Variants in OPLAH observed in about 807,000 individuals in gnomAD.
OPLAH encodes 5-oxoprolinase, ATP-hydrolysing.
A neutral mutation model predicts 122.8 loss-of-function variants in OPLAH; 103 were observed. The observed-to-expected ratio is 0.84, with a 90% CI of 0.71 to 0.99. The LOEUF (loss-of-function observed/expected upper bound fraction) is 0.99. Ranked by LOEUF, OPLAH falls within the 50% of genes least tolerant of loss-of-function variation. The pLI is 0.00. For missense variants in OPLAH, 1,902 were observed against 1,836.5 expected (o/e 1.04, Z -0.65); for synonymous variants, 875 against 796.0 (o/e 1.10, Z -1.67).
At chr8:144,054,349 C>T (rs1335852834) in intron 19 of OPLAH, among the ~76,000 whole-genome samples, 1 of 152,230 alleles carries the variant, frequency 6.6e-6, no homozygotes, top group Non-Finnish European at 1.5e-5. Flanking sequence ...CAAAACCACC[C>T]CTCGGGAGGC....
In OPLAH at chr8:144,053,067, C is replaced by G. The variant is rs782475410; in HGVS notation, c.2934G>C (p.Arg978=). Residue 978 remains arginine, a synonymous_variant, in exon 21 of 27, where the codon CGG becomes CGC. Transcript: ENST00000618853. Reference sequence around the variant, plus strand: ...CCGAGGACACCTCCAGGGGCAGGCCCCGGGCCTGCCGGGAGGTTCCAAAGG... The same window carrying G: ...CCGAGGACACCTCCAGGGGCAGGCCGCGGGCCTGCCGGGAGGTTCCAAAGG... The part of the protein sequence containing the change: ...LRAFGTSRQA[R]GLPLEVSSED... 10 of 1,601,254 alleles carry G rather than the reference C, an allele frequency of 6.2e-6. 1 individual carries two copies. The South Asian group carries it at 1.1e-4, about 18-fold the overall frequency.
rs1554758709 is a variant in OPLAH at position 144,055,227 on chromosome 8, C to T, written c.2249-38G>A. The T allele has an allele frequency of 6.7e-7, 1 of 1,489,814 alleles. No homozygotes were observed. The highest frequency in any genetic ancestry group is 8.9e-7 in the Non-Finnish European group (1 of 1,120,920). 92.3% of individuals were successfully genotyped at this position (1,489,814 alleles called of 1,614,324 possible). A position where few individuals can be genotyped will look rare whatever the true frequency, so the allele number is the denominator to read the frequency against. On this transcript the variant is annotated intron_variant, in intron 16 of 26. Transcript: ENST00000618853. This position sits in a 1 kb window ranked among gnomAD's most constrained non-coding sequence, Gnocchi z 6.5. ...AGTGACCAGGCCCGCTGGCCCCACC[C>T]ACCCACAGCCTGGCCCCAGGAAAGG...
chr8:144,056,059 C>T lies in OPLAH; in HGVS notation c.2096+88G>A, dbSNP rs968126177. The stretch of plus-strand genomic sequence containing the variant: ...TGGTGGGATACAGAGTCCTGCAGGC[C>T]CCTGCAGCCTTGGGCCAGAGAACCC... On this transcript the variant is annotated intron_variant, in intron 15 of 26. Coordinates refer to ENST00000618853, the MANE Select transcript of OPLAH (RefSeq NM_017570.5). 19 of 1,520,926 alleles carry T rather than the reference C, an allele frequency of 1.2e-5. No homozygotes were observed. The African/African-American group carries it at 1.8e-4, about 14-fold the overall frequency. The allele number at this position is 1,520,926 out of a possible 1,614,324, so 94.2% of individuals were successfully genotyped here.
Position 144,054,643 on chromosome 8 carries a change from G to T in OPLAH, c.2604C>A (p.Pro868=). ...DIGGITPGSM[P]PHSTMLQQEG... is the part of the protein sequence containing the mutation. ...CCTGTTGCAGCATGGTGGAGTGGGG[G>T]GGCATGGAGCCTGGTGTGATGCCCC... Residue 868 remains proline, a synonymous_variant, in exon 19 of 27, where the codon CCC becomes CCA. Transcript: ENST00000618853. 6.2e-7 allele frequency: 1 copy of T among 1,611,800 alleles called. No individual in the cohort carries two copies. Among genetic ancestry groups the T allele is most frequent in the Non-Finnish European group, 8.5e-7 (1 of 1,179,120 alleles).
At position 144,056,137 on chromosome 8, in the gene OPLAH, T is replaced by G; in HGVS notation, c.2096+10A>C. 1 of 1,600,336 alleles carries G rather than the reference T, an allele frequency of 6.2e-7. No homozygotes were observed. The highest frequency in any genetic ancestry group is 8.5e-7 in the Non-Finnish European group (1 of 1,169,858). On this transcript the variant is annotated intron_variant, in intron 15 of 26. Coordinates refer to ENST00000618853, the MANE Select transcript of OPLAH (RefSeq NM_017570.5). ...TCCACATCCTCCACCCTGGCCGGAC[T>G]TCAGCCCACCTGTTACTGTCGATGA...
At chr8:144,062,828 G>C (rs931674487), upstream of OPLAH, among the ~76,000 whole-genome samples, 16 of 152,070 alleles carry the variant, frequency 1.1e-4, no homozygotes, top group African/African-American at 3.6e-4. Flanking sequence ...AAACCTCTAA[G>C]GGCCTGTCCC....
Position 144,054,877 on chromosome 8 carries a change from C to T in OPLAH, c.2446G>A (p.Val816Met), listed in dbSNP as rs1238232716. The T allele has an allele frequency of 1.1e-5, 17 of 1,610,554 alleles. No individual in the cohort carries two copies. In the East Asian group the frequency reaches 1.1e-4, roughly 11 times the overall value. Reference sequence around the variant, plus strand: ...GCACTGGGATGGTTGCTCAGTAGCACGTCGCCAGGGTGGAGATCGGCCCCC... The same window carrying T: ...GCACTGGGATGGTTGCTCAGTAGCATGTCGCCAGGGTGGAGATCGGCCCCC... ...HLGADLHPGD[V>M]LLSNHPSAGG... is the part of the protein sequence containing the mutation. The change falls in exon 18 of 27, where the codon GTG becomes ATG. Residue 816 changes from valine (V) to methionine (M), a missense_variant. Physicochemically the swap from Val to Met is conservative, Grantham distance 21. Transcript: ENST00000618853.
intron 11 of OPLAH, 27 bp from the exon 12 acceptor site, chr8:144,057,145 G>C: frequency 6.3e-7 from 1 of 1,594,662 alleles, no homozygotes; most frequent in Middle Eastern, 1.7e-4. Flanking sequence ...CATGGCAATG[G>C]GAGGTCACCT....
In OPLAH at chr8:144,051,496, GA is replaced by G; in HGVS notation, c.3721-25del. 10 of 1,250,466 alleles carry G rather than the reference GA, an allele frequency of 8.0e-6. No homozygotes were observed. In the African/African-American group the frequency reaches 9.3e-5, roughly 12 times the overall value. The allele number at this position is 1,250,466 out of a possible 1,614,324, so 77.5% of individuals were successfully genotyped here. A position where few individuals can be genotyped will look rare whatever the true frequency, so the allele number is the denominator to read the frequency against. ...TCCTGTTGGCGCGGGGGGGGGCGGG[GA>G]GGCGGGCTCAGTGCAGGCGTGGCCC... On this transcript the variant is annotated intron_variant, in intron 26 of 26. Transcript: ENST00000618853.
rs781807331 is a variant in OPLAH, at chr8:144,057,298, G to A, written c.1445C>T (p.Ala482Val). The change falls in exon 11 of 27, where the codon GCC becomes GTC. Residue 482 changes from alanine to valine, a missense_variant. Coordinates refer to ENST00000618853, the MANE Select transcript of OPLAH (RefSeq NM_017570.5). Reference protein sequence around the residue: ...LTQARGHDPSAHVLACFGGAG... With the variant: ...LTQARGHDPSVHVLACFGGAG... ...TCCCCCAAAGCAGGCCAGCACATGG[G>A]CTGAGGGGTCATGGCCTCTTGCCTA... is the stretch of plus-strand genomic sequence containing the variant. The A allele has an allele frequency of 6.2e-7, 1 of 1,612,190 alleles. No homozygotes were observed. Among genetic ancestry groups the A allele is most frequent in the African/African-American group, 1.3e-5 (1 of 74,950 alleles).
At position 144,057,110 on chromosome 8, in the gene OPLAH, C is replaced by A; in HGVS notation, c.1544G>T (p.Gly515Val). The A allele has an allele frequency of 6.3e-7, 1 of 1,598,940 alleles. No individual in the cohort carries two copies. Among genetic ancestry groups the A allele is most frequent in the South Asian group, 1.1e-5 (1 of 88,560 alleles). ...GGCCAGCCCCAGGGCCGACAGCAGC[C>A]CACTGTGCCTGCAGGGATGGGCAGC... is the stretch of plus-strand genomic sequence containing the variant. ...MDTVHIHRHS[G>V]LLSALGLALA... Residue 515 changes from glycine to valine, a missense_variant, in exon 12 of 27, where the codon GGG becomes GTG. Gly to Val is a moderately radical substitution (Grantham distance 109). Coordinates refer to ENST00000618853, the MANE Select transcript of OPLAH (RefSeq NM_017570.5).
upstream of OPLAH, among the ~76,000 whole-genome samples, chr8:144,063,548 C>T (rs1835696927): frequency 6.6e-6 from 1 of 152,230 alleles, no homozygotes; most frequent in African/African-American, 2.4e-5. The surrounding 1 kb of genome is among the most constrained non-coding windows in gnomAD (Gnocchi z 4.2). Flanking sequence ...CCCGCTCAGG[C>T]TCTGCTCAGA....
chr8:144,056,940 G>T lies in OPLAH; in HGVS notation c.1706+8C>A. 1 of 1,565,902 alleles carries T rather than the reference G, an allele frequency of 6.4e-7. No homozygotes were observed. Among genetic ancestry groups the T allele is most frequent in the Non-Finnish European group, 8.6e-7 (1 of 1,159,092 alleles). On this transcript the variant is annotated splice_region_variant and intron_variant, in intron 12 of 26. Transcript: ENST00000618853. The stretch of plus-strand genomic sequence containing the variant: ...AAGCCCTCTGTCCAGGGCACCCTGG[G>T]AGCCCACCTGGGGAAGCCCTGGGCC...
upstream of OPLAH, among the ~76,000 whole-genome samples, chr8:144,061,282 G>T (rs914002900): frequency 6.6e-6 from 1 of 152,194 alleles, no homozygotes; most frequent in Non-Finnish European, 1.5e-5. Context: ...GAGATAGGAG[G>T]TCAGCACAAC....
At chr8:144,051,522 C>G (rs781918434) in intron 26 of OPLAH, 50 bp from the exon 27 acceptor site, 1 of 1,400,180 alleles carries the variant, frequency 7.1e-7, no homozygotes, top group Non-Finnish European at 9.5e-7. Flanking sequence ...AGGCGTGGCC[C>G]CTCCCTGTCA....
chr8:144,053,855 C>T (rs1835447664), intron 19 of OPLAH, among the ~76,000 whole-genome samples: 2 of 144,130 alleles, frequency 1.4e-5, no homozygotes, highest in South Asian at 2.3e-4. Flanking sequence ...CAGCCTCCAT[C>T]CCCCCTTCCC....
chr8:144,058,346 C>T lies in OPLAH; in HGVS notation c.842G>A (p.Ser281Asn), dbSNP rs1554759962. 1.3e-6 allele frequency: 2 copies of T among 1,597,994 alleles called. No individual in the cohort carries two copies. Among genetic ancestry groups the T allele is most frequent in the South Asian group, 2.2e-5 (2 of 89,838 alleles). The change falls in exon 7 of 27, where the codon AGC (serine) becomes AAC (asparagine). Residue 281 changes from serine to asparagine, a missense_variant. This residue lies in a region of OPLAH where 1,726 missense variants were observed against 1,642.1 expected (regional missense o/e 1.05). Coordinates refer to ENST00000618853, the MANE Select transcript of OPLAH (RefSeq NM_017570.5). ...DGGLAPMDTF[S>N]GSSAVLSGPA... is the part of the protein sequence containing the mutation. ...GCCCGAGAGCACAGCACTGGAGCCG[C>T]TGAAGGTGTCCATGGGCGCCAGGCC...
chr8:144,053,342 G>A lies in OPLAH; in HGVS notation c.2738C>T (p.Thr913Ile), dbSNP rs782614106. The change falls in exon 20 of 27, where the codon ACC (threonine) becomes ATC (isoleucine). Residue 913 changes from threonine to isoleucine, a missense_variant. Physicochemically the swap from Thr to Ile is moderately conservative, Grantham distance 89 (BLOSUM62 -1). Coordinates refer to ENST00000618853, the MANE Select transcript of OPLAH (RefSeq NM_017570.5). ...APGKVPNCSGTRNLHDNLSDL... is the reference protein window; with the variant it reads ...APGKVPNCSGIRNLHDNLSDL... Reference sequence around the variant, plus strand: ...CGACAGGTTGTCGTGCAGGTTTCTGGTTCCGCTGCAGTTGGGGACCTTGCC... The same window carrying A: ...CGACAGGTTGTCGTGCAGGTTTCTGATTCCGCTGCAGTTGGGGACCTTGCC... The A allele has an allele frequency of 6.2e-7, 1 of 1,612,832 alleles. No homozygotes were observed. The highest frequency in any genetic ancestry group is 2.2e-5 in the East Asian group (1 of 44,876).
chr8:144,060,036 G>A lies in OPLAH; in HGVS notation c.-4C>T. ...AGCGGCCCTCGGGGCTGCCCATGGTGGTGGGGCTGGAGTCCCACAGGAGCT... is the reference window on the plus strand; with the variant it reads ...AGCGGCCCTCGGGGCTGCCCATGGTAGTGGGGCTGGAGTCCCACAGGAGCT... On this transcript the variant is annotated 5_prime_UTR_variant, in exon 2 of 27. Coordinates refer to ENST00000618853, the MANE Select transcript of OPLAH (RefSeq NM_017570.5). 1 of 1,610,490 alleles carries A rather than the reference G, an allele frequency of 6.2e-7. No homozygotes were observed. Among genetic ancestry groups the A allele is most frequent in the Non-Finnish European group, 8.5e-7 (1 of 1,178,796 alleles).
Sources: allele counts gnomAD v4.1 joint callset (sites outside exome capture counted in the v4.1 genomes callset), GRCh38; gene constraint gnomAD v4.1.1; regional missense constraint gnomAD v4.1.1; non-coding constraint Gnocchi (gnomAD v3.1); transcripts MANE v1.5; gene names NCBI Gene and HGNC (gene_info 2026-07-23, HGNC 2026-07-21).